The following FAM13A variants were observed in gnomAD, a reference collection of about 807,000 sequenced individuals.
FAM13A encodes family with sequence similarity 13 member A, also known as protein FAM13A.
Under a neutral mutation model 129.6 loss-of-function variants are expected in FAM13A, and 76 were observed. The ratio of observed to expected loss-of-function variants is 0.59; its 90% confidence interval spans 0.49 to 0.71. FAM13A has a LOEUF of 0.71. FAM13A is among the 30% of genes least tolerant of loss of function. The pLI is 0.00. For missense variants in FAM13A, 1,108 were observed against 1,249.3 expected, an observed-to-expected ratio of 0.89 and a Z score of 1.70; for synonymous variants, 443 against 449.9, an observed-to-expected ratio of 0.98 and a Z score of 0.20.
rs151167039 is a variant in FAM13A at position 88,732,004 on chromosome 4, T to G, written c.2841A>C (p.Ser947=). 735 of 1,608,550 alleles carry G rather than the reference T, an allele frequency of 4.6e-4. 8 individuals are homozygous for G. The South Asian group carries it at 7.2e-3, about 16-fold the overall frequency. ...DTGLSNLHAA[S]IPELLEHLQE... Reference sequence around the variant, plus strand: ...CCACCACCACCAAAATGACATACATTGAGGCAGCATGGAGATTTGAAAGCC... The same window carrying G: ...CCACCACCACCAAAATGACATACATGGAGGCAGCATGGAGATTTGAAAGCC... Residue 947 remains serine (S), a splice_region_variant and synonymous_variant, in exon 22 of 24, where the codon TCA becomes TCC. Transcript: ENST00000264344.
rs1237576177 is a variant in FAM13A at position 88,756,419 on chromosome 4, C to G, written c.1726+2335G>C. On this transcript the variant is annotated intron_variant, in intron 14 of 23. Transcript: ENST00000264344. ...GGGGCAGTACTTAGTGAATAGCCTG[C>G]TGGTGCTCGCCTCTGCAGTTAAGTA... Among the ~76,000 whole-genome samples, 6 of 152,158 alleles carry G rather than the reference C, an allele frequency of 3.9e-5. No individual in the cohort carries two copies. In the East Asian group the frequency reaches 1.2e-3, roughly 29 times the overall value.
At chr4:88,728,956 C>G (rs1254334587) in intron 23 of FAM13A, 1 of 212,322 alleles carries the variant, frequency 4.7e-6, no homozygotes, top group African/African-American at 2.3e-5. Flanking sequence ...ACATTGAGCT[C>G]TCATACACCA....
At chr4:88,913,481 G>A (rs931143301) in intron 5 of FAM13A, among the ~76,000 whole-genome samples, 21 of 132,714 alleles carry the variant, frequency 1.6e-4, no homozygotes, top group African/African-American at 6.0e-4. Flanking sequence ...AGGAGGAAGA[G>A]GAAGAAGAAG....
chr4:88,997,685 C>T (rs979694139), intron 3 of FAM13A, among the ~76,000 whole-genome samples: 1 of 152,102 alleles, frequency 6.6e-6, no homozygotes. Context: ...TTTTCAATGA[C>T]CATGAAGTTA....
intron 7 of FAM13A, among the ~76,000 whole-genome samples, chr4:88,822,147 C>T (rs1309898438): frequency 1.3e-5 from 2 of 151,862 alleles, no homozygotes; most frequent in Non-Finnish European, 2.9e-5. Context: ...AATGAAATGC[C>T]ACTGCATGTA....
intron 5 of FAM13A, among the ~76,000 whole-genome samples, chr4:88,929,812 A>G (rs1459228475): frequency 6.6e-6 from 1 of 152,150 alleles, no homozygotes; most frequent in Admixed American, 6.5e-5. Context: ...AACACAGCTC[A>G]CTGCAACCTC....
chr4:88,759,126 T>G (rs1318007446), intron 13 of FAM13A: 2 of 462,194 alleles, frequency 4.3e-6, no homozygotes, highest in Non-Finnish European at 3.9e-6. Context: ...CAGGCTGCTC[T>G]TCCCGATAAC....
intron 8 of FAM13A, among the ~76,000 whole-genome samples, chr4:88,802,132 C>T (rs1481322690): frequency 6.6e-6 from 1 of 152,148 alleles, no homozygotes; most frequent in Non-Finnish European, 1.5e-5. Context: ...TAAGAGAGAA[C>T]AGGGTATGAA....
chr4:88,728,564 C>T lies in FAM13A; in HGVS notation c.3041G>A (p.Ser1014Asn), dbSNP rs116035805. 2 of 1,614,202 alleles carry T rather than the reference C, an allele frequency of 1.2e-6. No homozygotes were observed. The highest frequency in any genetic ancestry group is 2.2e-5 in the East Asian group (1 of 44,876). ...AKLRLLEVLI[S>N]KRDTDSKSM ...GGACTTGGAATCAGTGTCTCTCTTGCTGATGAGCACCTCCAGGAGCCTCAG... is the reference window on the plus strand; with the variant it reads ...GGACTTGGAATCAGTGTCTCTCTTGTTGATGAGCACCTCCAGGAGCCTCAG... Residue 1014 changes from serine to asparagine, a missense_variant, in exon 24 of 24, where the codon AGC (serine) becomes AAC (asparagine). Coordinates refer to ENST00000264344, the MANE Select transcript of FAM13A (RefSeq NM_014883.4).
intron 19 of FAM13A, among the ~76,000 whole-genome samples, chr4:88,743,817 A>G (rs1740732319): frequency 6.6e-6 from 1 of 152,218 alleles, no homozygotes; most frequent in Non-Finnish European, 1.5e-5. Context: ...AGTGTCATAG[A>G]AACACAACTT....
chr4:88,825,971 T>TTGCA (rs1329344654), intron 7 of FAM13A, among the ~76,000 whole-genome samples: 1 of 152,208 alleles, frequency 6.6e-6, no homozygotes, highest in Non-Finnish European at 1.5e-5. Context: ...TTGTACCTGA[T>TTGCA]TGCAGCCCCT....
At position 88,915,641 on chromosome 4, in the gene FAM13A, C is replaced by G. The variant is rs147976231; in HGVS notation, c.760-9179G>C. 5.9e-5 allele frequency among the ~76,000 whole-genome samples: 9 copies of G among 152,224 alleles called. No individual in the cohort carries two copies. The East Asian group carries it at 1.7e-3, about 29-fold the overall frequency. On this transcript the variant is annotated intron_variant, in intron 5 of 23. Coordinates refer to ENST00000264344, the MANE Select transcript of FAM13A (RefSeq NM_014883.4). ...GAAACTTAATGAAAATGAATTGCAG[C>G]AGGGGTGGTCAAATTAAATCAAACT... is the stretch of plus-strand genomic sequence containing the variant.
chr4:88,999,540 G>A (rs2869971), intron 3 of FAM13A, among the ~76,000 whole-genome samples: 117,813 of 152,066 alleles, frequency 0.77, 45,761 homozygotes, highest in Middle Eastern at 0.88. Flanking sequence ...CATTAAATGG[G>A]CCAAGTACAG....
At chr4:88,962,064 T>C (rs116364574) in intron 4 of FAM13A, among the ~76,000 whole-genome samples, 2,132 of 151,518 alleles carry the variant, frequency 0.014, 55 homozygotes, top group African/African-American at 0.048. Flanking sequence ...GGTAACTAGG[T>C]AGGAGTCAGA....
intron 11 of FAM13A, among the ~76,000 whole-genome samples, chr4:88,771,856 GA>G (rs1221929301): frequency 2.0e-5 from 3 of 152,148 alleles, no homozygotes; most frequent in Non-Finnish European, 2.9e-5. Flanking sequence ...TGGGGTGTCA[GA>G]GGAACTAAAT....
intron 5 of FAM13A, among the ~76,000 whole-genome samples, chr4:88,930,370 AT>A (rs1378593140): frequency 6.6e-6 from 1 of 151,888 alleles, no homozygotes; most frequent in Non-Finnish European, 1.5e-5. Flanking sequence ...CTGAAGATGT[AT>A]TTTTTCTGGT....
At position 88,912,432 on chromosome 4, in the gene FAM13A, G is replaced by A. The variant is rs1168147255; in HGVS notation, c.760-5970C>T. Among the ~76,000 whole-genome samples, 4 of 152,124 alleles carry A rather than the reference G, an allele frequency of 2.6e-5. No individual in the cohort carries two copies. In the East Asian group the frequency reaches 7.7e-4, roughly 29 times the overall value. ...CAGCTTCCCAGCCACTCAAGACTTC[G>A]GATTTAGACTGAGCCATGCTACCAG... On this transcript the variant is annotated intron_variant, in intron 5 of 23. Transcript: ENST00000264344.
intron 6 of FAM13A, among the ~76,000 whole-genome samples, chr4:88,896,271 G>A (rs574390936): frequency 7.4e-4 from 107 of 145,540 alleles, no homozygotes; most frequent in African/African-American, 2.6e-3. Flanking sequence ...GGACTGTTGT[G>A]GGGTTGGGGG....
chr4:88,739,191 T>G, intron 19 of FAM13A, 66 bp from the exon 20 acceptor site: 1 of 1,045,756 alleles, frequency 9.6e-7, no homozygotes, highest in Non-Finnish European at 1.5e-6. Context: ...TGTCTAAGCA[T>G]GCTCTGGGCC....
Sources: gnomAD v4.1 joint callset for allele counts (sites outside exome capture counted in the v4.1 genomes callset) on GRCh38, gnomAD v4.1.1 for gene constraint, MANE v1.5 for transcripts, NCBI Gene and HGNC (gene_info 2026-07-23, HGNC 2026-07-21) for gene names.